SLC71A1: variants seen among roughly 807,000 people sequenced by gnomAD.
SLC71A1 encodes solute carrier family 71 member 1.
At chr1:100,080,058 G>C in the SLC71A1 span, 2 of 153,702 alleles carry the variant, frequency 1.3e-5, no homozygotes, top group African/African-American at 4.9e-5. Flanking sequence ...GGAAGTTGAG[G>C]CTGCAGTGAG....
At chr1:100,051,449 T>A in the SLC71A1 span, among the ~76,000 whole-genome samples, 1 of 149,482 alleles carries the variant, frequency 6.7e-6, no homozygotes, top group Non-Finnish European at 1.5e-5. Context: ...TATAAAAAAA[T>A]ATCAGAGGGT....
chr1:100,044,361 A>G, the SLC71A1 span, among the ~76,000 whole-genome samples: 1 of 151,752 alleles, frequency 6.6e-6, no homozygotes, highest in Non-Finnish European at 1.5e-5. Flanking sequence ...AAAAATGTCT[A>G]TTCATGTCTT....
At chr1:100,073,818 C>T in the SLC71A1 span, among the ~76,000 whole-genome samples, 15 of 152,296 alleles carry the variant, frequency 9.8e-5, no homozygotes, top group Admixed American at 9.8e-4. Flanking sequence ...GCTATGCCAT[C>T]TTGCTTAAGT....
chr1:100,069,528 A>G, the SLC71A1 span: 1 of 766,282 alleles, frequency 1.3e-6, no homozygotes, highest in African/African-American at 1.8e-5. Flanking sequence ...GGCCCATTAA[A>G]TGTTAATATA....
the SLC71A1 span, among the ~76,000 whole-genome samples, chr1:100,040,197 A>C: frequency 6.6e-6 from 1 of 152,298 alleles, no homozygotes; most frequent in South Asian, 2.1e-4. Flanking sequence ...CTAGTATGTG[A>C]ATTTTAAAGT....
At chr1:100,071,313 AAAAGAAAG>A in the SLC71A1 span, among the ~76,000 whole-genome samples, 2 of 142,870 alleles carry the variant, frequency 1.4e-5, no homozygotes, top group Non-Finnish European at 3.0e-5. Flanking sequence ...AAAAAAAAAA[AAAAGAAAG>A]AAAGCCCGGT....
chr1:100,066,914 C>G, the SLC71A1 span, among the ~76,000 whole-genome samples: 52 of 129,812 alleles, frequency 4.0e-4, no homozygotes, highest in South Asian at 0.013. Context: ...GCGTAAACCC[C>G]GGGGGCGGAG....
At chr1:100,061,748 T>C in the SLC71A1 span, 1 of 823,874 alleles carries the variant, frequency 1.2e-6, no homozygotes, top group South Asian at 1.5e-5. Flanking sequence ...AATGAGCTGC[T>C]CTTACGCTTA....
the SLC71A1 span, among the ~76,000 whole-genome samples, chr1:100,042,840 C>G: frequency 3.3e-5 from 5 of 152,094 alleles, no homozygotes; most frequent in Admixed American, 3.3e-4. Flanking sequence ...GAACTCTTGA[C>G]TTCGGGTGAT....
the SLC71A1 span, among the ~76,000 whole-genome samples, chr1:100,063,285 C>G: frequency 2.6e-4 from 39 of 149,430 alleles, no homozygotes; most frequent in African/African-American, 9.9e-4. Flanking sequence ...CAAAACAAAA[C>G]AAAACAAAAC....
At chr1:100,060,001 C>G in the SLC71A1 span, 2 of 1,608,064 alleles carry the variant, frequency 1.2e-6, no homozygotes, top group Admixed American at 3.4e-5. Flanking sequence ...GAAGATCAGC[C>G]CATGGTATGT....
chr1:100,065,945 C>CTA, the SLC71A1 span, among the ~76,000 whole-genome samples: 1 of 152,048 alleles, frequency 6.6e-6, no homozygotes, highest in South Asian at 2.1e-4. Flanking sequence ...GTAGCTGGGA[C>CTA]TATAGGCAGG....
At chr1:100,038,605 C>T in the SLC71A1 span, among the ~76,000 whole-genome samples, 1 of 152,100 alleles carries the variant, frequency 6.6e-6, no homozygotes, top group Non-Finnish European at 1.5e-5. Context: ...ACGTGCGCCT[C>T]CGCCGCGGGG....
At chr1:100,078,939 GCTTGTAGTCC>G in the SLC71A1 span, 1 of 154,854 alleles carries the variant, frequency 6.5e-6, no homozygotes, top group Non-Finnish European at 1.4e-5. Flanking sequence ...GGTGGCGCAT[GCTTGTAGTCC>G]CAGTTACTTG....
the SLC71A1 span, among the ~76,000 whole-genome samples, chr1:100,055,862 C>T: frequency 3.3e-5 from 5 of 152,150 alleles, no homozygotes; most frequent in African/African-American, 1.2e-4. Context: ...AAGCAATTCT[C>T]CTGCCTCAGC....
chr1:100,061,962 A>T, the SLC71A1 span: 1 of 1,409,678 alleles, frequency 7.1e-7, no homozygotes, highest in African/African-American at 1.4e-5. Context: ...ATGTATGTTT[A>T]TTCTATACCT....
the SLC71A1 span, chr1:100,038,133 A>T: frequency 5.6e-6 from 6 of 1,070,272 alleles, no homozygotes; most frequent in Non-Finnish European, 8.4e-6. Context: ...GCGGGCGCCC[A>T]GAGCGGCTCG....
chr1:100,041,171 C>T, the SLC71A1 span, among the ~76,000 whole-genome samples: 1 of 152,174 alleles, frequency 6.6e-6, no homozygotes, highest in African/African-American at 2.4e-5. Context: ...TTGTAGTTTT[C>T]AACGGCTGAA....
chr1:100,068,676 TG>T, the SLC71A1 span: 1 of 818,610 alleles, frequency 1.2e-6, no homozygotes, highest in Non-Finnish European at 2.0e-6. Context: ...GTAATAGAAG[TG>T]GCCTTTAAAA....
Sources: gnomAD v4.1 joint callset for allele counts (sites outside exome capture counted in the v4.1 genomes callset) on GRCh38, gnomAD v4.1.1 for gene constraint, MANE v1.5 for transcripts, NCBI Gene and HGNC (gene_info 2026-07-23, HGNC 2026-07-21) for gene names.